PDIA5: variants seen among roughly 807,000 people sequenced by gnomAD.
PDIA5 encodes protein disulfide-isomerase A5.
PDIA5 carries 58 observed loss-of-function variants against 77.6 expected under a neutral mutation model. That is an observed-to-expected ratio of 0.75 (90% CI 0.61 to 0.93). The LOEUF (loss-of-function observed/expected upper bound fraction) is 0.93, where lower values mean the gene tolerates loss of function less well. Among genes scored for constraint, PDIA5 ranks in the 40% least tolerant of loss-of-function variants. The pLI is 0.00. For synonymous variants in PDIA5, 250 were observed against 252.1 expected, an observed-to-expected ratio of 0.99 and a Z score of 0.08; for missense variants, 630 against 647.7, an observed-to-expected ratio of 0.97 and a Z score of 0.30.
At chr3:123,092,915 G>A (rs921298506) in intron 3 of PDIA5, among the ~76,000 whole-genome samples, 21 of 152,076 alleles carry the variant, frequency 1.4e-4, no homozygotes, top group African/African-American at 5.1e-4. Context: ...TAGAATCAGT[G>A]GGTCAAGCTG....
At chr3:123,144,435 C>T (rs910708159) in intron 11 of PDIA5, 4 of 152,250 alleles carry the variant, frequency 2.6e-5, no homozygotes, top group African/African-American at 9.7e-5. Flanking sequence ...CCTCCCAGTC[C>T]CTCCAGCATC....
intron 11 of PDIA5, among the ~76,000 whole-genome samples, chr3:123,139,934 G>T (rs1163360538): frequency 6.6e-6 from 1 of 152,150 alleles, no homozygotes; most frequent in Admixed American, 6.5e-5. Flanking sequence ...GATGGGCAGG[G>T]AACAAGTGAG....
chr3:123,134,196 A>G lies in PDIA5; in HGVS notation c.910+3580A>G, dbSNP rs113819486. Among the ~76,000 whole-genome samples the G allele has an allele frequency of 2.0e-3, 302 of 151,938 alleles. 1 individual carries two copies. Among genetic ancestry groups the G allele is most frequent in the African/African-American group, 6.9e-3 (287 of 41,448 alleles). On this transcript the variant is annotated intron_variant, in intron 11 of 16. Transcript: ENST00000316218. ...ACACCGCCACACCTGGCTAATTTTT[A>G]AATTTTTTGTAAAGACGGGGTCTCA...
intron 3 of PDIA5, among the ~76,000 whole-genome samples, chr3:123,094,174 A>C (rs928769714): frequency 6.6e-6 from 1 of 152,276 alleles, no homozygotes; most frequent in Non-Finnish European, 1.5e-5. Context: ...AGTTAACCTT[A>C]AGACAGAAGG....
intron 5 of PDIA5, among the ~76,000 whole-genome samples, chr3:123,104,757 C>T (rs1319901069): frequency 6.6e-6 from 1 of 152,154 alleles, no homozygotes; most frequent in Non-Finnish European, 1.5e-5. Flanking sequence ...CACTGATGAC[C>T]TCAGGGCCCA....
intron 14 of PDIA5, among the ~76,000 whole-genome samples, chr3:123,152,427 T>C (rs549998905): frequency 6.6e-6 from 1 of 152,274 alleles, no homozygotes; most frequent in Non-Finnish European, 1.5e-5. Context: ...TCCCTAAACC[T>C]TGCCCCAGGG....
At chr3:123,132,552 G>A (rs977109040) in intron 11 of PDIA5, among the ~76,000 whole-genome samples, 1 of 152,200 alleles carries the variant, frequency 6.6e-6, no homozygotes, top group Non-Finnish European at 1.5e-5. Flanking sequence ...GCAATGAAGG[G>A]CGTCTGCCTC....
At chr3:123,142,651 A>T (rs1935668625) in intron 11 of PDIA5, among the ~76,000 whole-genome samples, 1 of 152,192 alleles carries the variant, frequency 6.6e-6, no homozygotes, top group South Asian at 2.1e-4. Flanking sequence ...CATTAAGAAT[A>T]TCTGCTGTGG....
intron 11 of PDIA5, among the ~76,000 whole-genome samples, chr3:123,136,123 TG>T (rs748284459): frequency 1.3e-5 from 2 of 151,720 alleles, no homozygotes; most frequent in Non-Finnish European, 2.9e-5. Flanking sequence ...TTTGTAGAAA[TG>T]GAGTCTCCCT....
At chr3:123,140,919 C>T (rs1935618506) in intron 11 of PDIA5, among the ~76,000 whole-genome samples, 1 of 152,188 alleles carries the variant, frequency 6.6e-6, no homozygotes, top group East Asian at 1.9e-4. Context: ...GCAAGTTGGT[C>T]ACAGCTCCTC....
chr3:123,126,933 G>A (rs1560536934), intron 10 of PDIA5, among the ~76,000 whole-genome samples: 1 of 152,124 alleles, frequency 6.6e-6, no homozygotes, highest in Non-Finnish European at 1.5e-5. Context: ...TCGTGGCACT[G>A]GTGTCTTTTG....
At chr3:123,081,870 A>G (rs567962849) in intron 1 of PDIA5, among the ~76,000 whole-genome samples, 6 of 152,218 alleles carry the variant, frequency 3.9e-5, no homozygotes, top group Non-Finnish European at 7.3e-5. Flanking sequence ...CTCCCTGATT[A>G]TCTCCCAGCG....
intron 15 of PDIA5, among the ~76,000 whole-genome samples, chr3:123,158,536 G>C (rs112105258): frequency 5.3e-5 from 8 of 152,182 alleles, no homozygotes; most frequent in African/African-American, 1.9e-4. Flanking sequence ...AGTCACCAAG[G>C]CTCAGTCCCA....
In PDIA5 at chr3:123,089,295, G is replaced by A. The variant is rs1390317789; in HGVS notation, c.169+1G>A. 6.2e-7 allele frequency: 1 copy of A among 1,614,068 alleles called. No individual in the cohort carries two copies. The highest frequency in any genetic ancestry group is 8.5e-7 in the Non-Finnish European group (1 of 1,179,940). On this transcript the variant is annotated splice_donor_variant, in intron 2 of 16. Transcript: ENST00000316218. LOFTEE classifies it high-confidence loss of function. ...GTACTGGTGCTTTACTCCAAATCTG[G>A]TGAGTGTCCCTTCCTGGCCTTGAGG...
chr3:123,090,577 T>G (rs2107921112), intron 2 of PDIA5, among the ~76,000 whole-genome samples: 1 of 152,288 alleles, frequency 6.6e-6, no homozygotes, highest in African/African-American at 2.4e-5. Context: ...CAGCAGCAGG[T>G]GGGAGCTGGT....
chr3:123,139,282 C>A (rs1935570254), intron 11 of PDIA5, among the ~76,000 whole-genome samples: 2 of 152,200 alleles, frequency 1.3e-5, no homozygotes, highest in Non-Finnish European at 2.9e-5. Flanking sequence ...GAAGGCCAGG[C>A]CCAGGAGGCT....
chr3:123,117,898 C>G (rs531269509), intron 8 of PDIA5, among the ~76,000 whole-genome samples: 39 of 152,268 alleles, frequency 2.6e-4, no homozygotes, highest in African/African-American at 9.4e-4. Flanking sequence ...AAACAGCTGC[C>G]GGCTCCTCTA....
intron 1 of PDIA5, among the ~76,000 whole-genome samples, chr3:123,069,401 T>A (rs544422392): frequency 1.6e-3 from 248 of 152,326 alleles, no homozygotes; most frequent in African/African-American, 5.6e-3. Flanking sequence ...AATAGTGGCA[T>A]GGTTAAATAA....
intron 13 of PDIA5, among the ~76,000 whole-genome samples, chr3:123,149,335 A>C (rs925027396): frequency 2.6e-5 from 4 of 152,206 alleles, no homozygotes; most frequent in Non-Finnish European, 5.9e-5. Context: ...ATCTTTGAGA[A>C]TTGCAAGGGC....
Sources: allele counts gnomAD v4.1 joint callset (sites outside exome capture counted in the v4.1 genomes callset), GRCh38; gene constraint gnomAD v4.1.1; transcripts MANE v1.5; gene names NCBI Gene and HGNC (gene_info 2026-07-23, HGNC 2026-07-21).